The following DLG2 variants were observed in gnomAD, a reference collection of about 807,000 sequenced individuals.
DLG2 encodes the protein disks large homolog 2.
DLG2 carries 45 observed loss-of-function variants against 132.5 expected under a neutral mutation model. The ratio of observed to expected loss-of-function variants is 0.34; its 90% CI spans 0.27 to 0.44. The LOEUF is 0.44. Among genes scored for constraint, DLG2 ranks in the 20% least tolerant of loss-of-function variants. The probability of loss-of-function intolerance (pLI) is 1.00; values close to 1 mark genes in which losing one functional copy is unlikely to be tolerated. For synonymous variants in DLG2, 424 were observed against 419.6 expected, an observed-to-expected ratio of 1.01 and a Z score of -0.13; for missense variants, 1,045 against 1,196.9, an observed-to-expected ratio of 0.87 and a Z score of 1.87.
intron 7 of DLG2, among the ~76,000 whole-genome samples, chr11:84,384,112 A>G (rs2098759289): frequency 6.7e-6 from 1 of 149,022 alleles, no homozygotes; most frequent in Non-Finnish European, 1.5e-5. Context: ...TTTTTTTGCA[A>G]TGAGAAAATA....
At chr11:84,902,299 G>A (rs1365058036) in intron 6 of DLG2, among the ~76,000 whole-genome samples, 1 of 151,992 alleles carries the variant, frequency 6.6e-6, no homozygotes, top group Non-Finnish European at 1.5e-5. Context: ...TCTTACAAAG[G>A]CTTCTTTTAC....
intron 6 of DLG2, among the ~76,000 whole-genome samples, chr11:84,708,231 TA>T (rs1293659346): frequency 1.3e-5 from 2 of 151,900 alleles, no homozygotes; most frequent in African/African-American, 4.8e-5. Flanking sequence ...ATCTACCTCA[TA>T]GAGATGTTGT....
intron 3 of DLG2, among the ~76,000 whole-genome samples, chr11:85,476,585 T>A (rs2093149350): frequency 6.6e-6 from 1 of 152,150 alleles, no homozygotes. Flanking sequence ...TTTCTTTATA[T>A]CCTTATTTTA....
intron 4 of DLG2, among the ~76,000 whole-genome samples, chr11:85,250,866 T>C (rs2076364200): frequency 1.3e-5 from 2 of 152,164 alleles, no homozygotes; most frequent in African/African-American, 2.4e-5. Flanking sequence ...GAAAAAAATA[T>C]ATATTTTAAC....
intron 6 of DLG2, among the ~76,000 whole-genome samples, chr11:85,104,876 A>C (rs2071459671): frequency 4.1e-5 from 2 of 49,326 alleles, no homozygotes; most frequent in African/African-American, 2.1e-4. Flanking sequence ...GAATGGCAAA[A>C]AAAAAAAAAA....
chr11:84,147,391 CT>C (rs1410320237), intron 9 of DLG2, among the ~76,000 whole-genome samples: 2 of 152,074 alleles, frequency 1.3e-5, no homozygotes, highest in Non-Finnish European at 2.9e-5. Context: ...AGAAGAGGTG[CT>C]TTTAATGCAC....
At chr11:84,571,840 C>A (rs909206021) in intron 6 of DLG2, among the ~76,000 whole-genome samples, 1 of 152,090 alleles carries the variant, frequency 6.6e-6, no homozygotes, top group Non-Finnish European at 1.5e-5. Flanking sequence ...CAAACCACAG[C>A]TGAGTTTTTA....
At chr11:84,433,264 G>A (rs951770918) in intron 7 of DLG2, among the ~76,000 whole-genome samples, 2 of 152,048 alleles carry the variant, frequency 1.3e-5, no homozygotes, top group African/African-American at 2.4e-5. Flanking sequence ...TTGCTGACGG[G>A]GAAGTGAAGG....
rs192767781 is a variant in DLG2, at chr11:85,160,298, G to A, written c.187-5647C>T. 1.8e-3 allele frequency among the ~76,000 whole-genome samples: 273 copies of A among 152,276 alleles called. 2 individuals carry two copies. Among genetic ancestry groups the A allele is most frequent in the African/African-American group, 6.0e-3 (250 of 41,562 alleles). On this transcript the variant is annotated intron_variant, in intron 4 of 27. Transcript: ENST00000376104. ...CTGTACAAGCTGCTCTGCCATTTGC[G>A]CCATATGACCCAGCAGATCCAATGG...
intron 7 of DLG2, among the ~76,000 whole-genome samples, chr11:84,260,294 TTA>T (rs1235427320): frequency 3.9e-5 from 6 of 152,004 alleles, no homozygotes; most frequent in African/African-American, 1.5e-4. Flanking sequence ...TTTCTTCACT[TTA>T]TAAGTTTTTT....
At chr11:85,353,714 C>A (rs2083470487) in intron 3 of DLG2, among the ~76,000 whole-genome samples, 2 of 152,236 alleles carry the variant, frequency 1.3e-5, no homozygotes, top group Admixed American at 6.5e-5. Context: ...TGGAAACCAT[C>A]ATTCTGAGCA....
At position 84,262,122 on chromosome 11, in the gene DLG2, ATAG is replaced by A. The variant is rs138659972; in HGVS notation, c.520-10834_520-10832del. ...TACATATTCCAATTATGATTATCTT[ATAG>A]ATAAGGAAAGTGAGGCATGGACCTG... is the stretch of plus-strand genomic sequence containing the variant. On this transcript the variant is annotated intron_variant, in intron 7 of 27. Coordinates refer to ENST00000376104, the MANE Select transcript of DLG2 (RefSeq NM_001142699.3). 8.9e-3 allele frequency among the ~76,000 whole-genome samples: 1,362 copies of A among 152,280 alleles called. 19 individuals are homozygous for A. The highest frequency in any genetic ancestry group is 0.031 in the African/African-American group (1,295 of 41,552).
intron 3 of DLG2, among the ~76,000 whole-genome samples, chr11:85,369,993 G>C (rs2084852301): frequency 6.6e-6 from 1 of 152,210 alleles, no homozygotes. Flanking sequence ...AATGTAAATA[G>C]GTGAACTGAA....
chr11:84,610,217 C>A (rs1424822353), intron 6 of DLG2, among the ~76,000 whole-genome samples: 4 of 151,788 alleles, frequency 2.6e-5, no homozygotes, highest in African/African-American at 9.7e-5. Flanking sequence ...TTGTTTTATT[C>A]CTTATATTTT....
chr11:83,956,315 C>T (rs79795521), intron 14 of DLG2, among the ~76,000 whole-genome samples: 2,995 of 152,272 alleles, frequency 0.02, 101 homozygotes, highest in African/African-American at 0.068. Context: ...GGAGGGCAGC[C>T]GCCCCACACC....
At chr11:83,470,078 T>C (rs955932865) in intron 24 of DLG2, among the ~76,000 whole-genome samples, 1 of 152,056 alleles carries the variant, frequency 6.6e-6, no homozygotes, top group Non-Finnish European at 1.5e-5. Context: ...AGAAATATGT[T>C]TTTAAAAATG....
At chr11:83,756,409 T>G (rs1429565569) in intron 18 of DLG2, among the ~76,000 whole-genome samples, 2 of 151,468 alleles carry the variant, frequency 1.3e-5, no homozygotes, top group Non-Finnish European at 2.9e-5. Context: ...TGAGATATAT[T>G]GCTAATTTTC....
intron 7 of DLG2, among the ~76,000 whole-genome samples, chr11:84,378,995 A>G (rs986682655): frequency 6.8e-6 from 1 of 146,746 alleles, no homozygotes; most frequent in African/African-American, 2.5e-5. Flanking sequence ...AACAATAACA[A>G]AAAAAAAAAG....
In DLG2 at chr11:83,616,767, T is replaced by C. The variant is rs147005287; in HGVS notation, c.1940+16444A>G. ...TTTTTCAATATTATCTTCTAGACTT[T>C]TATTGTTTTACATTTTATATTTTTA... On this transcript the variant is annotated intron_variant, in intron 19 of 27. Transcript: ENST00000376104. Among the ~76,000 whole-genome samples the C allele has an allele frequency of 1.2e-3, 179 of 152,320 alleles. 2 individuals carry two copies. The highest frequency in any genetic ancestry group is 5.6e-4 in the Non-Finnish European group (38 of 68,012).
Sources: gnomAD v4.1 joint callset for allele counts (sites outside exome capture counted in the v4.1 genomes callset) on GRCh38, gnomAD v4.1.1 for gene constraint, MANE v1.5 for transcripts, NCBI Gene and HGNC (gene_info 2026-07-23, HGNC 2026-07-21) for gene names.